PID1: variants seen among roughly 807,000 people sequenced by gnomAD.
PID1 encodes phosphotyrosine interaction domain containing 1, also known as PTB-containing, cubilin and LRP1-interacting protein.
In PID1, 10 loss-of-function variants were observed where a neutral mutation model predicts 19.1. The ratio of observed to expected loss-of-function variants is 0.52; its 90% CI spans 0.32 to 0.89. PID1 has a LOEUF of 0.89. Among genes scored for constraint, PID1 ranks in the 40% least tolerant of loss-of-function variants. The pLI, the probability that PID1 is intolerant of heterozygous loss-of-function variation, is 0.03. For synonymous variants in PID1, 130 were observed against 116.0 expected, an observed-to-expected ratio of 1.12 and a Z score of -0.78; for missense variants, 248 against 285.3, an observed-to-expected ratio of 0.87 and a Z score of 0.94.
At chr2:229,238,652 A>G (rs1206277920) in intron 1 of PID1, among the ~76,000 whole-genome samples, 1 of 152,182 alleles carries the variant, frequency 6.6e-6, no homozygotes, top group East Asian at 1.9e-4. Flanking sequence ...ATCTACAAAG[A>G]CACGAACTTT....
At chr2:229,100,792 A>T (rs1695058712) in intron 2 of PID1, among the ~76,000 whole-genome samples, 1 of 152,222 alleles carries the variant, frequency 6.6e-6, no homozygotes, top group African/African-American at 2.4e-5. Context: ...CCCCTCTGCA[A>T]ACAATGATCA....
At chr2:229,255,284 T>C (rs1690262326) in intron 1 of PID1, among the ~76,000 whole-genome samples, 1 of 152,206 alleles carries the variant, frequency 6.6e-6, no homozygotes, top group Non-Finnish European at 1.5e-5. Flanking sequence ...ATGTTTATGC[T>C]AAAAATCATC....
chr2:229,260,695 T>C (rs1690437097), intron 1 of PID1, among the ~76,000 whole-genome samples: 1 of 151,932 alleles, frequency 6.6e-6, no homozygotes, highest in Admixed American at 6.6e-5. Flanking sequence ...AATTACTAAC[T>C]TCTTTACATA....
intron 1 of PID1, among the ~76,000 whole-genome samples, chr2:229,224,451 T>C (rs1205602290): frequency 6.6e-6 from 1 of 152,218 alleles, no homozygotes; most frequent in Non-Finnish European, 1.5e-5. Context: ...TCTCTCCATC[T>C]ATTAAGCATT....
At chr2:229,076,157 T>C (rs965809605) in intron 2 of PID1, among the ~76,000 whole-genome samples, 2 of 152,204 alleles carry the variant, frequency 1.3e-5, no homozygotes, top group Non-Finnish European at 2.9e-5. Flanking sequence ...CCCAGTAATC[T>C]ATATTTTTAA....
At chr2:229,226,306 A>G (rs116840601) in intron 1 of PID1, among the ~76,000 whole-genome samples, 114 of 152,240 alleles carry the variant, frequency 7.5e-4, no homozygotes, top group African/African-American at 2.6e-3. Flanking sequence ...AACTTTCCAG[A>G]ATTGGTTTAA....
At chr2:229,042,943 A>G (rs1693800318) in intron 2 of PID1, among the ~76,000 whole-genome samples, 2 of 151,464 alleles carry the variant, frequency 1.3e-5, no homozygotes, top group South Asian at 2.1e-4. Context: ...TCTTTTTTTT[A>G]ATTTTTTTTG....
chr2:229,159,173 C>A (rs146639052), intron 1 of PID1, among the ~76,000 whole-genome samples: 2 of 152,200 alleles, frequency 1.3e-5, no homozygotes, highest in African/African-American at 2.4e-5. Context: ...GCGTTGCATG[C>A]CTGAATCAAA....
At chr2:229,199,540 T>G (rs1691447474) in intron 1 of PID1, among the ~76,000 whole-genome samples, 1 of 151,814 alleles carries the variant, frequency 6.6e-6, no homozygotes, top group East Asian at 1.9e-4. Context: ...AAAACTATCT[T>G]TTTTCAAATA....
intron 2 of PID1, among the ~76,000 whole-genome samples, chr2:229,145,160 T>TATAC (rs1559255280): frequency 7.2e-4 from 88 of 122,778 alleles, no homozygotes; most frequent in African/African-American, 2.9e-3. Flanking sequence ...TATGTGTATA[T>TATAC]ATATATATAT....
chr2:229,251,470 T>C (rs1189683738), intron 1 of PID1, among the ~76,000 whole-genome samples: 6 of 152,188 alleles, frequency 3.9e-5, no homozygotes, highest in Non-Finnish European at 7.4e-5. Flanking sequence ...AGTTTTAACA[T>C]AGCCATGACT....
At chr2:229,210,337 C>T (rs923054109) in intron 1 of PID1, among the ~76,000 whole-genome samples, 9 of 151,066 alleles carry the variant, frequency 6.0e-5, no homozygotes, top group Non-Finnish European at 1.2e-4. Context: ...ACAGTGAAAC[C>T]CCGTCTCTAT....
At chr2:229,216,605 G>A (rs1004975346) in intron 1 of PID1, among the ~76,000 whole-genome samples, 4 of 151,944 alleles carry the variant, frequency 2.6e-5, no homozygotes, top group Non-Finnish European at 5.9e-5. Context: ...AGTAATCCTC[G>A]AGTTATCAAG....
At position 229,108,333 on chromosome 2, in the gene PID1, T is replaced by C. The variant is rs541824599; in HGVS notation, c.177+47485A>G. Among the ~76,000 whole-genome samples the C allele has an allele frequency of 5.3e-5, 8 of 152,314 alleles. No individual in the cohort carries two copies. The East Asian group carries it at 1.5e-3, about 29-fold the overall frequency. On this transcript the variant is annotated intron_variant, in intron 2 of 2. Transcript: ENST00000392055. ...CCAGTAGAGCTCAGCTAGTGATCACTACGCACCCTGTAACTACTACTTTGA... is the reference window on the plus strand; with the variant it reads ...CCAGTAGAGCTCAGCTAGTGATCACCACGCACCCTGTAACTACTACTTTGA...
intron 1 of PID1, among the ~76,000 whole-genome samples, chr2:229,219,232 A>G (rs1445921176): frequency 6.6e-6 from 1 of 152,068 alleles, no homozygotes; most frequent in Non-Finnish European, 1.5e-5. Flanking sequence ...GAGACGCGAG[A>G]CTGGGTATTT....
chr2:229,029,626 G>T (rs1693503339), intron 2 of PID1, among the ~76,000 whole-genome samples: 1 of 151,992 alleles, frequency 6.6e-6, no homozygotes, highest in African/African-American at 2.4e-5. Flanking sequence ...CGGAACACGA[G>T]GTCAGGAGTT....
At position 229,095,856 on chromosome 2, in the gene PID1, T is replaced by C. The variant is rs6754301; in HGVS notation, c.177+59962A>G. On this transcript the variant is annotated intron_variant, in intron 2 of 2. Coordinates refer to ENST00000392055, the MANE Select transcript of PID1 (RefSeq NM_001100818.2). ...TTAGTGTCCACTCTTAAATGTGTGA[T>C]AATTAGTAGATTTTCTGATAATTAC... 6.5e-3 allele frequency among the ~76,000 whole-genome samples: 992 copies of C among 152,306 alleles called. 1 individual carries two copies. Among genetic ancestry groups the C allele is most frequent in the Non-Finnish European group, 0.011 (721 of 68,000 alleles).
chr2:229,228,778 A>G (rs1692138847), intron 1 of PID1, among the ~76,000 whole-genome samples: 1 of 152,192 alleles, frequency 6.6e-6, no homozygotes, highest in African/African-American at 2.4e-5. Flanking sequence ...CTGAAATGAT[A>G]TTAGAGGTTA....
chr2:229,176,280 T>G (rs750479881), intron 1 of PID1, among the ~76,000 whole-genome samples: 2 of 152,218 alleles, frequency 1.3e-5, no homozygotes, highest in Non-Finnish European at 2.9e-5. Context: ...TAAGTCCACA[T>G]GCAAGCCTCC....
Sources: gnomAD v4.1 joint callset for allele counts (sites outside exome capture counted in the v4.1 genomes callset) on GRCh38, gnomAD v4.1.1 for gene constraint, MANE v1.5 for transcripts, NCBI Gene and HGNC (gene_info 2026-07-23, HGNC 2026-07-21) for gene names.